Variants in BAIAP3 observed in about 807,000 individuals in gnomAD.
BAIAP3 encodes BAI1-associated protein 3.
BAIAP3 carries 180 observed loss-of-function variants against 149.7 expected under a neutral mutation model. The ratio of observed to expected loss-of-function variants is 1.20; its 90% CI spans 1.07 to 1.36. BAIAP3 has a LOEUF of 1.36. Ranked by LOEUF, BAIAP3 falls within the 40% of genes most tolerant of loss-of-function variation. The probability of loss-of-function intolerance (pLI) is 0.00; values close to 1 mark genes in which losing one functional copy is unlikely to be tolerated. For synonymous variants in BAIAP3, 845 were observed against 670.7 expected, an observed-to-expected ratio of 1.26 and a Z score of -4.02; for missense variants, 1,767 against 1,563.4, an observed-to-expected ratio of 1.13 and a Z score of -2.20.
At position 1,344,859 on chromosome 16, in the gene BAIAP3, G is replaced by C; in HGVS notation, c.1809+10G>C. On this transcript the variant is annotated intron_variant, in intron 20 of 33. Coordinates refer to ENST00000426824, the MANE Select transcript of BAIAP3 (RefSeq NM_001199097.2). ...GCAGCTGGAGCGTCTGGTGAGGAGG[G>C]TCCCTGACCCCGGGTGCCTGCCAGG... 1.9e-6 allele frequency: 3 copies of C among 1,613,696 alleles called. No homozygotes were observed. The South Asian group carries it at 3.3e-5, about 18-fold the overall frequency.
Position 1,346,664 on chromosome 16 carries a change from G to A in BAIAP3, c.2622G>A (p.Leu874=), listed in dbSNP as rs1044830773. Residue 874 remains leucine (L), a synonymous_variant, in exon 27 of 34, where the codon CTG becomes CTA. Transcript: ENST00000426824. ...DEKLALLNAS[L]VKGNLSRVLE... ...AGCTGGCCCTGCTGAACGCCTCGCT[G>A]GTGAAGGGGAACCTGAGCAGGTGCG... The A allele has an allele frequency of 2.6e-6, 4 of 1,531,592 alleles. No individual in the cohort carries two copies. The highest frequency in any genetic ancestry group is 1.2e-5 in the South Asian group (1 of 83,784). 94.9% of individuals were successfully genotyped at this position (1,531,592 alleles called of 1,614,324 possible).
Position 1,344,232 on chromosome 16 carries a change from TG to T in BAIAP3, c.1520del (p.Gly507AlafsTer19), listed in dbSNP as rs1298948749. On this transcript the variant is annotated frameshift_variant, in exon 17 of 34. Transcript: ENST00000426824. LOFTEE classifies it high-confidence loss of function. ...AGCGTGCTGCCCCCACCCAGGTGTC[TG>T]GGCAAGCTGCAGCTCTTCCAACCCT... ...VHRLELLLKC[L>X]GKLQLFQPSF... 6.2e-7 allele frequency: 1 copy of T among 1,613,322 alleles called. No individual in the cohort carries two copies. Among genetic ancestry groups the T allele is most frequent in the Non-Finnish European group, 8.5e-7 (1 of 1,179,938 alleles).
Position 1,342,572 on chromosome 16 carries a change from C to A in BAIAP3, c.1003C>A (p.Arg335Ser). The stretch of plus-strand genomic sequence containing the variant: ...CGACCGCTGGTTCAAGCTGGAGCCA[C>A]GCTCCAGTGCCTCGCGTGTGCAGGG... The part of the protein sequence containing the change: ...GVDRWFKLEP[R>S]SSASRVQGHC... Residue 335 changes from arginine to serine, a missense_variant, in exon 12 of 34, where the codon CGC (arginine) becomes AGC (serine). Transcript: ENST00000426824. 1.3e-6 allele frequency: 2 copies of A among 1,559,870 alleles called. No homozygotes were observed. Among genetic ancestry groups the A allele is most frequent in the Non-Finnish European group, 1.7e-6 (2 of 1,152,842 alleles).
chr16:1,341,286 G>A lies in BAIAP3; in HGVS notation c.536-8G>A, dbSNP rs767405132. ...TGGGGCCAGGGCTGAGACGCCTGCC[G>A]TGCCCAGGCTTCAGCGACCCATACT... On this transcript the variant is annotated splice_region_variant and splice_polypyrimidine_tract_variant and intron_variant, in intron 7 of 33. Coordinates refer to ENST00000426824, the MANE Select transcript of BAIAP3 (RefSeq NM_001199097.2). 3.8e-5 allele frequency: 61 copies of A among 1,606,720 alleles called. 1 individual carries two copies. The highest frequency in any genetic ancestry group is 2.0e-4 in the South Asian group (18 of 90,876).
chr16:1,344,683 C>T lies in BAIAP3; in HGVS notation c.1742C>T (p.Ala581Val), dbSNP rs748124875. ...CTTCAGTTCTGCTACAGTGTGTACG[C>T]CAGCCTCTTCCACAGGTGGGCCTGG... ...DDLQFCYSVY[A>V]SLFHSILNVD... Residue 581 changes from alanine (A) to valine (V), a missense_variant, in exon 19 of 34, where the codon GCC becomes GTC. Ala to Val is a moderately conservative substitution (Grantham distance 64, BLOSUM62 0). Coordinates refer to ENST00000426824, the MANE Select transcript of BAIAP3 (RefSeq NM_001199097.2). 2 of 1,613,644 alleles carry T rather than the reference C, an allele frequency of 1.2e-6. No individual in the cohort carries two copies. Among genetic ancestry groups the T allele is most frequent in the South Asian group, 2.2e-5 (2 of 91,084 alleles).
chr16:1,341,557 G>A (rs1226095815), intron 8 of BAIAP3, 68 bp downstream of exon 8: 1 of 1,530,266 alleles, frequency 6.5e-7, no homozygotes, highest in African/African-American at 1.4e-5. Flanking sequence ...GGCTGTGCCT[G>A]GAGGGTGGTG....
In BAIAP3 at chr16:1,346,688, C is replaced by T. The variant is rs377746768; in HGVS notation, c.2642+4C>T. On this transcript the variant is annotated splice_donor_region_variant and intron_variant, in intron 27 of 33. Coordinates refer to ENST00000426824, the MANE Select transcript of BAIAP3 (RefSeq NM_001199097.2). ...TGGTGAAGGGGAACCTGAGCAGGTGCGGGCGGGTGGGGTGGGATGGGCTGG... is the reference window on the plus strand; with the variant it reads ...TGGTGAAGGGGAACCTGAGCAGGTGTGGGCGGGTGGGGTGGGATGGGCTGG... The T allele has an allele frequency of 8.2e-4, 109 of 132,546 alleles. No homozygotes were observed. The Admixed American group carries it at 8.8e-3, about 11-fold the overall frequency. The allele number at this position is 132,546 out of a possible 1,614,324, so 8.2% of individuals were successfully genotyped here.
intron 1 of BAIAP3, chr16:1,336,132 T>C (rs1471658825): frequency 2.3e-6 from 2 of 852,334 alleles, no homozygotes; most frequent in East Asian, 2.4e-4. Context: ...CGAGCCCCCA[T>C]CGCCCCTGTC....
In BAIAP3 at chr16:1,345,772, G is replaced by A. The variant is rs762351761; in HGVS notation, c.2090G>A (p.Arg697Lys). 5 of 1,551,152 alleles carry A rather than the reference G, an allele frequency of 3.2e-6. No individual in the cohort carries two copies. The East Asian group carries it at 9.5e-5, about 29-fold the overall frequency. The stretch of plus-strand genomic sequence containing the variant: ...CTGGAGCCCGTGGACGCCTCCTCCA[G>A]GCACAGCAGCTCCGCAGCCACTGCT... Reference protein sequence around the residue: ...DTLEPVDASSRHSSSAATAGL... With the variant: ...DTLEPVDASSKHSSSAATAGL... The change falls in exon 23 of 34, where the codon AGG becomes AAG. Residue 697 changes from arginine (R) to lysine (K), a missense_variant. Transcript: ENST00000426824.
At chr16:1,335,441 C>T (rs575823226) in intron 1 of BAIAP3, among the ~76,000 whole-genome samples, 94 of 142,576 alleles carry the variant, frequency 6.6e-4, no homozygotes, top group African/African-American at 2.3e-3. Flanking sequence ...AGTTACATCA[C>T]GTCTGGGCCC....
intron 19 of BAIAP3, 32 bp from the exon 20 acceptor site, chr16:1,344,766 C>T: frequency 1.2e-6 from 2 of 1,613,650 alleles, no homozygotes; most frequent in Non-Finnish European, 1.7e-6. Context: ...AGGTGGGGCG[C>T]AGGTGGATGA....
At chr16:1,338,453 G>GGCCCC in intron 1 of BAIAP3, 87 bp from the exon 2 acceptor site, 1 of 177,274 alleles carries the variant, frequency 5.6e-6, no homozygotes. Flanking sequence ...ACCTCTTCCC[G>GGCCCC]CCCCACCCCC....
chr16:1,340,874 T>G (rs2033879514), intron 5 of BAIAP3, 48 bp from the exon 6 acceptor site: 1 of 1,545,016 alleles, frequency 6.5e-7, no homozygotes, highest in South Asian at 1.2e-5. Context: ...GTGGCCAGCC[T>G]CGCTTCAGGG....
chr16:1,348,299 A>C lies in BAIAP3; in HGVS notation c.3353A>C (p.Gln1118Pro). The C allele has an allele frequency of 1.2e-6, 2 of 1,601,320 alleles. No homozygotes were observed. The highest frequency in any genetic ancestry group is 1.7e-6 in the Non-Finnish European group (2 of 1,174,446). ...CTGCACCTGTGCCGGCCCAGAGCCC[A>C]GGGTGAGTGAGCATCTGGGTGGAGG... ...VTLHLCRPRAQVRSALRRLEG... is the reference protein window; with the variant it reads ...VTLHLCRPRAPVRSALRRLEG... The change falls in exon 33 of 34, where the codon CAG (glutamine) becomes CCG (proline). Residue 1118 changes from glutamine to proline, a missense_variant and splice_region_variant. Gln to Pro is a moderately conservative substitution (Grantham distance 76). Coordinates refer to ENST00000426824, the MANE Select transcript of BAIAP3 (RefSeq NM_001199097.2).
Position 1,344,256 on chromosome 16 carries a change from C to T in BAIAP3, c.1541C>T (p.Pro514Leu), listed in dbSNP as rs1292011937. ...KCLGKLQLFQ[P>L]SFEICPFESE... ...CTGGGCAAGCTGCAGCTCTTCCAAC[C>T]CTCCTTTGAGATCTGCCCCTTCGAG... Residue 514 changes from proline (P) to leucine (L), a missense_variant, in exon 17 of 34, where the codon CCC becomes CTC. By Grantham distance (98) the Pro-to-Leu change is moderately conservative. Coordinates refer to ENST00000426824, the MANE Select transcript of BAIAP3 (RefSeq NM_001199097.2). 3 of 1,613,632 alleles carry T rather than the reference C, an allele frequency of 1.9e-6. No individual in the cohort carries two copies. Among genetic ancestry groups the T allele is most frequent in the African/African-American group, 2.7e-5 (2 of 74,942 alleles).
chr16:1,338,054 G>C (rs942963562), intron 1 of BAIAP3, among the ~76,000 whole-genome samples: 1 of 152,196 alleles, frequency 6.6e-6, no homozygotes, highest in Non-Finnish European at 1.5e-5. Flanking sequence ...TCCTACATAG[G>C]AGAGCTGGGT....
At position 1,337,209 on chromosome 16, in the gene BAIAP3, C is replaced by T. The variant is rs568243351; in HGVS notation, c.-10-1331C>T. On this transcript the variant is annotated intron_variant, in intron 1 of 33. Transcript: ENST00000426824. The stretch of plus-strand genomic sequence containing the variant: ...AGGGGGTGTGCAGGGCAGGACCACC[C>T]GGCCTTCCTCCCTGACACAGGTGGG... 5.9e-5 allele frequency among the ~76,000 whole-genome samples: 9 copies of T among 152,316 alleles called. No homozygotes were observed. In the South Asian group the frequency reaches 6.2e-4, roughly 11 times the overall value.
chr16:1,344,449 C>G lies in BAIAP3; in HGVS notation c.1603-20C>G, dbSNP rs772131603. On this transcript the variant is annotated intron_variant, in intron 17 of 33. Transcript: ENST00000426824. ...TCTTCCCTGCAATCCACCATGCTGT[C>G]TTGGTGGTGTCTGTTGCAGAGAGGC... is the stretch of plus-strand genomic sequence containing the variant. 6.2e-7 allele frequency: 1 copy of G among 1,613,406 alleles called. No homozygotes were observed. The highest frequency in any genetic ancestry group is 8.5e-7 in the Non-Finnish European group (1 of 1,179,942).
At position 1,344,648 on chromosome 16, in the gene BAIAP3, C is replaced by G; in HGVS notation, c.1707C>G (p.Val569=). The change falls in exon 19 of 34, where the codon GTC becomes GTG. Residue 569 remains valine (V), a synonymous_variant. Transcript: ENST00000426824. ...GGCTGGTTGTGCTGGCTGACGCCGTCTATGATGACCTTCAGTTCTGCTACA... is the reference window on the plus strand; with the variant it reads ...GGCTGGTTGTGCTGGCTGACGCCGTGTATGATGACCTTCAGTTCTGCTACA... ...LPGLVVLADA[V]YDDLQFCYSV... The G allele has an allele frequency of 6.2e-7, 1 of 1,613,434 alleles. No homozygotes were observed. Among genetic ancestry groups the G allele is most frequent in the Non-Finnish European group, 8.5e-7 (1 of 1,180,032 alleles).
Sources: gnomAD v4.1 joint callset for allele counts (sites outside exome capture counted in the v4.1 genomes callset) on GRCh38, gnomAD v4.1.1 for gene constraint, MANE v1.5 for transcripts, NCBI Gene and HGNC (gene_info 2026-07-23, HGNC 2026-07-21) for gene names.